Variants in GAREM1 observed in about 807,000 individuals in gnomAD.
GAREM1 encodes the protein GRB2 associated regulator of MAPK1 subtype 1.
A neutral mutation model predicts 71.3 loss-of-function variants in GAREM1; 26 were observed. The observed-to-expected ratio is 0.36, with a 90% CI of 0.27 to 0.51. GAREM1 has a LOEUF of 0.51. Among genes scored for constraint, GAREM1 ranks in the 20% least tolerant of loss-of-function variants. GAREM1 has a pLI of 0.95. For synonymous variants in GAREM1, 440 were observed against 433.2 expected (o/e 1.02, Z -0.20); for missense variants, 1,026 against 1,103.1 (o/e 0.93, Z 0.99).
At chr18:32,439,593 G>C (rs1438008342) in intron 1 of GAREM1, among the ~76,000 whole-genome samples, 3 of 151,574 alleles carry the variant, frequency 2.0e-5, no homozygotes, top group Non-Finnish European at 4.4e-5. Context: ...CAAAGATATT[G>C]AGAAAACACC....
chr18:32,359,682 G>C (rs181739032), intron 2 of GAREM1, among the ~76,000 whole-genome samples: 1 of 152,212 alleles, frequency 6.6e-6, no homozygotes, highest in East Asian at 1.9e-4. Context: ...AAAGATCCTT[G>C]CTAGCACTTT....
At chr18:32,364,717 G>C (rs1353869122) in intron 2 of GAREM1, among the ~76,000 whole-genome samples, 1 of 152,182 alleles carries the variant, frequency 6.6e-6, no homozygotes, top group East Asian at 1.9e-4. Flanking sequence ...AATCTAGCCT[G>C]TAGCATTGAT....
Position 32,268,407 on chromosome 18 carries a change from C to T in GAREM1, c.2095G>A (p.Ala699Thr). 1 of 1,614,192 alleles carries T rather than the reference C, an allele frequency of 6.2e-7. No individual in the cohort carries two copies. The change falls in exon 6 of 6, where the codon GCC becomes ACC. Residue 699 changes from alanine to threonine, a missense_variant. Transcript: ENST00000269209. ...TCTGTGCTCTCCAGAGAGTAGCTGG[C>T]TGACTTGGGACAACCAGAGACGCTG... Reference protein sequence around the residue: ...SSSVSGCPKSASYSLESTDVK... With the variant: ...SSSVSGCPKSTSYSLESTDVK...
chr18:32,433,182 T>A (rs1479473902), intron 1 of GAREM1, among the ~76,000 whole-genome samples: 1 of 150,214 alleles, frequency 6.7e-6, no homozygotes, highest in Non-Finnish European at 1.5e-5. Flanking sequence ...CACAGGATCG[T>A]ATCAATTGAT....
At chr18:32,366,644 C>T (rs932092764) in intron 2 of GAREM1, among the ~76,000 whole-genome samples, 3 of 152,186 alleles carry the variant, frequency 2.0e-5, no homozygotes, top group African/African-American at 4.8e-5. Context: ...TTTCACAAGA[C>T]AGTCTAATGA....
chr18:32,387,946 T>C (rs1180264249), intron 2 of GAREM1, among the ~76,000 whole-genome samples: 2 of 152,240 alleles, frequency 1.3e-5, no homozygotes, highest in African/African-American at 4.8e-5. Context: ...GGCTGTGCAC[T>C]GCCCAACTCC....
At chr18:32,400,371 T>C (rs921916805) in intron 1 of GAREM1, among the ~76,000 whole-genome samples, 12 of 152,020 alleles carry the variant, frequency 7.9e-5, no homozygotes, top group African/African-American at 2.9e-4. Context: ...GAAACTACCA[T>C]CAGAGTGAAT....
chr18:32,417,743 G>A (rs1008891914), intron 1 of GAREM1, among the ~76,000 whole-genome samples: 3 of 152,024 alleles, frequency 2.0e-5, no homozygotes, highest in African/African-American at 7.2e-5. Flanking sequence ...GGGGGTGGGA[G>A]GAAGGTGGGG....
At chr18:32,297,463 A>C (rs2047153755) in intron 3 of GAREM1, among the ~76,000 whole-genome samples, 1 of 152,182 alleles carries the variant, frequency 6.6e-6, no homozygotes, top group African/African-American at 2.4e-5. Context: ...TATTACTTTT[A>C]TTAACAAAAC....
At position 32,470,114 on chromosome 18, in the gene GAREM1, T is replaced by C. The variant is rs553553249; in HGVS notation, c.121+194A>G. Among the ~76,000 whole-genome samples, 5 of 151,940 alleles carry C rather than the reference T, an allele frequency of 3.3e-5. No homozygotes were observed. The East Asian group carries it at 5.8e-4, about 18-fold the overall frequency. On this transcript the variant is annotated intron_variant, in intron 1 of 5. Transcript: ENST00000269209. The surrounding 1 kb of genome is among the most constrained non-coding windows in gnomAD (Gnocchi z 4.4). ...TAATTATACTGCAAGGACTCTGATT[T>C]CCACCTCCTTGTCTGCTGCTGGGGG...
intron 2 of GAREM1, among the ~76,000 whole-genome samples, chr18:32,347,255 T>A (rs1043422173): frequency 6.6e-6 from 1 of 152,100 alleles, no homozygotes; most frequent in Non-Finnish European, 1.5e-5. Flanking sequence ...ATCCCATCAC[T>A]CTGGAAGCCT....
At chr18:32,356,690 C>T (rs985565791) in intron 2 of GAREM1, among the ~76,000 whole-genome samples, 1 of 152,156 alleles carries the variant, frequency 6.6e-6, no homozygotes, top group African/African-American at 2.4e-5. Context: ...ACCAATTTTA[C>T]AAGGTAGAAA....
rs1191387820 is a variant in GAREM1 at position 32,470,783 on chromosome 18, T to TCGC, written c.-358_-356dup. ...GTCTGCAGCTGCGGCGGCCGCCCGCTCGCCTCCTCCTCCTCTTACCCCTCC... is the reference window on the plus strand; with the variant it reads ...GTCTGCAGCTGCGGCGGCCGCCCGCTCGCCGCCTCCTCCTCCTCTTACCCCTCC... On this transcript the variant is annotated 5_prime_UTR_variant, in exon 1 of 6. Transcript: ENST00000269209. This position sits in a 1 kb window ranked among gnomAD's most constrained non-coding sequence, Gnocchi z 4.4. Among the ~76,000 whole-genome samples, 15 of 149,626 alleles carry TCGC rather than the reference T, an allele frequency of 1.0e-4. No homozygotes were observed. Among genetic ancestry groups the TCGC allele is most frequent in the Admixed American group, 1.0e-3 (15 of 15,070 alleles).
intron 2 of GAREM1, among the ~76,000 whole-genome samples, chr18:32,364,009 T>TATACAC (rs751367493): frequency 2.0e-5 from 1 of 50,590 alleles, no homozygotes; most frequent in African/African-American, 1.0e-4. Flanking sequence ...TATATATATA[T>TATACAC]ATATATATAT....
intron 3 of GAREM1, among the ~76,000 whole-genome samples, chr18:32,295,054 TTTG>T (rs369924248): frequency 1.1e-4 from 17 of 152,010 alleles, no homozygotes; most frequent in South Asian, 2.1e-4. Flanking sequence ...TATGTTTATT[TTTG>T]TTGTTGTTGT....
intron 1 of GAREM1, among the ~76,000 whole-genome samples, chr18:32,456,868 A>T (rs1011610986): frequency 6.6e-6 from 1 of 152,150 alleles, no homozygotes; most frequent in Admixed American, 6.6e-5. Flanking sequence ...ATGAATTTCA[A>T]TTATACCAGA....
In GAREM1 at chr18:32,270,298, G is replaced by A; in HGVS notation, c.1652C>T (p.Pro551Leu). 6.2e-7 allele frequency: 1 copy of A among 1,614,040 alleles called. No individual in the cohort carries two copies. Among genetic ancestry groups the A allele is most frequent in the South Asian group, 1.1e-5 (1 of 91,036 alleles). ...TTGCCGCGCTGGCTTGACTGTGCGA[G>A]GAGGGATGGAGGGACTGGTGGACAA... The part of the protein sequence containing the change: ...KPLSTSPSIP[P>L]RTVKPARQQT... Residue 551 changes from proline to leucine, a missense_variant, in exon 5 of 6, where the codon CCT becomes CTT. Pro to Leu is a moderately conservative substitution (Grantham distance 98). Transcript: ENST00000269209.
Position 32,393,038 on chromosome 18 carries a change from A to G in GAREM1, c.122-3T>C, listed in dbSNP as rs758600403. ...CCGCAGCCCTTCTACGCACTCTCCT[A>G]GGAAATACAATTTTATATGAGAAAC... On this transcript the variant is annotated splice_region_variant and splice_polypyrimidine_tract_variant and intron_variant, in intron 1 of 5. Transcript: ENST00000269209. The G allele has an allele frequency of 1.9e-6, 3 of 1,610,378 alleles. No individual in the cohort carries two copies. Among genetic ancestry groups the G allele is most frequent in the Non-Finnish European group, 2.5e-6 (3 of 1,177,644 alleles).
chr18:32,284,226 A>AT (rs201891589), intron 4 of GAREM1, among the ~76,000 whole-genome samples: 3 of 152,134 alleles, frequency 2.0e-5, no homozygotes, highest in Non-Finnish European at 2.9e-5. Context: ...GAAATGCCTA[A>AT]TTTTTTTAAA....
Sources: gnomAD v4.1 joint callset for allele counts (sites outside exome capture counted in the v4.1 genomes callset) on GRCh38, gnomAD v4.1.1 for gene constraint, Gnocchi (gnomAD v3.1) non-coding constraint, MANE v1.5 for transcripts, NCBI Gene and HGNC (gene_info 2026-07-23, HGNC 2026-07-21) for gene names.